ANKS1B: variants seen among roughly 807,000 people sequenced by gnomAD.
ANKS1B encodes the protein ankyrin repeat and sterile alpha motif domain-containing protein 1B.
In ANKS1B, 36 loss-of-function variants were observed where a neutral mutation model predicts 148.3. The ratio of observed to expected loss-of-function variants is 0.24; its 90% CI spans 0.19 to 0.32. The LOEUF is 0.32. Among genes scored for constraint, ANKS1B ranks in the 10% least tolerant of loss-of-function variants. The pLI is 1.00. For synonymous variants in ANKS1B, 542 were observed against 560.8 expected, an observed-to-expected ratio of 0.97 and a Z score of 0.47; for missense variants, 1,157 against 1,542.6, an observed-to-expected ratio of 0.75 and a Z score of 4.19.
At chr12:99,926,001 G>C (rs1392172248) in intron 1 of ANKS1B, among the ~76,000 whole-genome samples, 2 of 152,120 alleles carry the variant, frequency 1.3e-5, no homozygotes, top group Admixed American at 6.6e-5. Flanking sequence ...TTAGGCCAGT[G>C]GGCCCCAGAT....
At chr12:99,040,973 G>A (rs1190594704) in intron 17 of ANKS1B, among the ~76,000 whole-genome samples, 2 of 152,178 alleles carry the variant, frequency 1.3e-5, no homozygotes, top group Admixed American at 1.3e-4. Flanking sequence ...CTTGTTCACT[G>A]AGCAAGAGAA....
At chr12:99,172,273 C>A (rs925276895) in intron 14 of ANKS1B, among the ~76,000 whole-genome samples, 6 of 151,952 alleles carry the variant, frequency 3.9e-5, no homozygotes, top group African/African-American at 1.5e-4. Context: ...GACTTGTGTG[C>A]CATGAAAAAG....
At chr12:99,171,043 A>T (rs2077701321) in intron 14 of ANKS1B, among the ~76,000 whole-genome samples, 1 of 152,216 alleles carries the variant, frequency 6.6e-6, no homozygotes, top group Non-Finnish European at 1.5e-5. Flanking sequence ...TCCACTAATA[A>T]CTAAAGTGCT....
chr12:98,793,215 T>A (rs1328359379), intron 22 of ANKS1B, among the ~76,000 whole-genome samples: 2 of 152,240 alleles, frequency 1.3e-5, no homozygotes, highest in Non-Finnish European at 2.9e-5. Context: ...ACTTTGGGTT[T>A]GCTTTGCATT....
At chr12:99,158,707 G>A (rs1046789737) in intron 14 of ANKS1B, among the ~76,000 whole-genome samples, 1 of 41,380 alleles carries the variant, frequency 2.4e-5, no homozygotes, top group African/African-American at 3.2e-4. Flanking sequence ...ACTAAAACTT[G>A]GTAAAAACAG....
chr12:99,880,609 T>C, intron 1 of ANKS1B, among the ~76,000 whole-genome samples: 1 of 152,208 alleles, frequency 6.6e-6, no homozygotes, highest in East Asian at 1.9e-4. Context: ...TATAGAATAG[T>C]TGTGTACATG....
chr12:99,879,938 G>A (rs2092371950), intron 1 of ANKS1B, among the ~76,000 whole-genome samples: 1 of 152,148 alleles, frequency 6.6e-6, no homozygotes, highest in African/African-American at 2.4e-5. Context: ...CCATTATATT[G>A]TTGGTTATCC....
intron 12 of ANKS1B, among the ~76,000 whole-genome samples, chr12:99,346,839 G>A (rs1361370100): frequency 6.6e-6 from 1 of 151,928 alleles, no homozygotes; most frequent in African/African-American, 2.4e-5. Flanking sequence ...AGACGTGCCT[G>A]CTTCCCCTTC....
chr12:98,739,213 G>A (rs555446026), downstream of ANKS1B, among the ~76,000 whole-genome samples: 34 of 152,184 alleles, frequency 2.2e-4, no homozygotes, highest in Non-Finnish European at 4.0e-4. Flanking sequence ...GGGTCCAAGA[G>A]CATCACTTCA....
intron 1 of ANKS1B, among the ~76,000 whole-genome samples, chr12:99,950,510 C>A (rs1301398995): frequency 1.3e-5 from 2 of 151,886 alleles, no homozygotes; most frequent in Non-Finnish European, 1.5e-5. Context: ...CATAAATATT[C>A]TTCATTACTG....
chr12:99,852,158 A>G (rs1603338745), intron 1 of ANKS1B, among the ~76,000 whole-genome samples: 1 of 152,226 alleles, frequency 6.6e-6, no homozygotes, highest in East Asian at 1.9e-4. Flanking sequence ...GTGCTATAAA[A>G]GAAGTCTTTG....
intron 1 of ANKS1B, among the ~76,000 whole-genome samples, chr12:99,943,882 G>A (rs2094984591): frequency 6.6e-6 from 1 of 151,926 alleles, no homozygotes; most frequent in African/African-American, 2.4e-5. Context: ...GTATACATAT[G>A]CCATGGTGGT....
chr12:98,734,984 G>A (rs763463259), exon 10 of ANKS1B: 3 of 385,162 alleles, frequency 7.8e-6, no homozygotes, highest in Non-Finnish European at 9.1e-6. Flanking sequence ...GCGGTGGCAC[G>A]TGCCTGTAAT....
At chr12:98,841,515 G>A (rs1320043045) in intron 17 of ANKS1B, among the ~76,000 whole-genome samples, 2 of 152,154 alleles carry the variant, frequency 1.3e-5, no homozygotes, top group Non-Finnish European at 2.9e-5. Flanking sequence ...TCTGTCAGCA[G>A]CTCTGATAAA....
intron 16 of ANKS1B, among the ~76,000 whole-genome samples, chr12:99,059,604 G>GTCACTTCA (rs1455411066): frequency 2.6e-5 from 4 of 151,950 alleles, no homozygotes; most frequent in Non-Finnish European, 5.9e-5. Flanking sequence ...CCATGGGCAA[G>GTCACTTCA]TCACTTCATC....
chr12:99,371,428 G>A (rs2093127367), intron 12 of ANKS1B, among the ~76,000 whole-genome samples: 1 of 152,062 alleles, frequency 6.6e-6, no homozygotes, highest in Non-Finnish European at 1.5e-5. Context: ...CAATTTAAGA[G>A]ATAAGACATG....
Position 99,655,224 on chromosome 12 carries a change from T to A in ANKS1B, c.1129-14A>T. 1 of 1,569,372 alleles carries A rather than the reference T, an allele frequency of 6.4e-7. No homozygotes were observed. The highest frequency in any genetic ancestry group is 8.7e-7 in the Non-Finnish European group (1 of 1,150,116). ...AGATGAGGTTCTCTGAAATTAAATT[T>A]ATATCATACCAATATATTATATCAA... is the stretch of plus-strand genomic sequence containing the variant. On this transcript the variant is annotated splice_polypyrimidine_tract_variant and intron_variant, in intron 8 of 26. Coordinates refer to ENST00000683438, the MANE Select transcript of ANKS1B (RefSeq NM_001352186.2).
intron 8 of ANKS1B, among the ~76,000 whole-genome samples, chr12:99,731,934 G>GAGAT (rs2059200780): frequency 6.6e-6 from 1 of 152,088 alleles, no homozygotes; most frequent in South Asian, 2.1e-4. Flanking sequence ...ACTTGTTTTT[G>GAGAT]AGATATATAA....
At chr12:98,967,647 A>AGGGGAGGGGAGGGGAGGGGAGGGG (rs2099879475) in intron 17 of ANKS1B, among the ~76,000 whole-genome samples, 2 of 95,006 alleles carry the variant, frequency 2.1e-5, no homozygotes, top group East Asian at 6.9e-4. Flanking sequence ...GAGGGGAGGG[A>AGGGGAGGGGAGGGGAGGGGAGGGG]AGAGGAGGGG....
Sources: allele counts gnomAD v4.1 joint callset (sites outside exome capture counted in the v4.1 genomes callset), GRCh38; gene constraint gnomAD v4.1.1; transcripts MANE v1.5; gene names NCBI Gene and HGNC (gene_info 2026-07-23, HGNC 2026-07-21).